The following BCAT1 variants were observed in gnomAD, a reference collection of about 807,000 sequenced individuals.
BCAT1 encodes the protein branched chain amino acid transaminase 1, also known as branched-chain-amino-acid aminotransferase, cytosolic.
Under a neutral mutation model 52.4 loss-of-function variants are expected in BCAT1, and 48 were observed. The ratio of observed to expected loss-of-function variants is 0.92; its 90% CI spans 0.73 to 1.16. The LOEUF (loss-of-function observed/expected upper bound fraction) is 1.16, where lower values mean the gene tolerates loss of function less well. Ranked by LOEUF, BCAT1 falls within the 50% of genes most tolerant of loss-of-function variation. The pLI, the probability that BCAT1 is intolerant of heterozygous loss-of-function variation, is 0.00. For synonymous variants in BCAT1, 167 were observed against 161.3 expected (o/e 1.04, Z -0.27); for missense variants, 451 against 457.1 (o/e 0.99, Z 0.12).
At position 24,811,012 on chromosome 12, in the gene BCAT1, C is replaced by T. The variant is rs983510988; in HGVS notation, c.*6996G>A. ...ATGGTGTTTATCAGTGATGTAGATC[C>T]ATTATGACAATGAATGGGAAGAGGT... On this transcript the variant is annotated 3_prime_UTR_variant, in exon 11 of 11. Coordinates refer to ENST00000261192, the MANE Select transcript of BCAT1 (RefSeq NM_005504.7). 5 of 151,998 alleles carry T rather than the reference C, an allele frequency of 3.3e-5. No individual in the cohort carries two copies. Among genetic ancestry groups the T allele is most frequent in the African/African-American group, 1.2e-4 (5 of 41,390 alleles). The allele number at this position is 151,998 out of a possible 1,614,324, so 9.4% of individuals were successfully genotyped here.
At chr12:24,821,564 C>T (rs1006603874) in intron 10 of BCAT1, among the ~76,000 whole-genome samples, 2 of 152,172 alleles carry the variant, frequency 1.3e-5, no homozygotes, top group Non-Finnish European at 2.9e-5. Flanking sequence ...CCTCCCATCT[C>T]TTCTCGGAAT....
intron 6 of BCAT1, among the ~76,000 whole-genome samples, chr12:24,845,145 C>A (rs1941305002): frequency 6.7e-6 from 1 of 149,880 alleles, no homozygotes; most frequent in African/African-American, 2.5e-5. Context: ...ACCAGGGAGG[C>A]GGAGGTTGCA....
intron 10 of BCAT1, among the ~76,000 whole-genome samples, chr12:24,829,526 T>C (rs1591780758): frequency 6.6e-6 from 1 of 152,208 alleles, no homozygotes; most frequent in African/African-American, 2.4e-5. Flanking sequence ...TCCTTCTTAA[T>C]GAGATTTTTA....
At position 24,933,844 on chromosome 12, in the gene BCAT1, G is replaced by C. The variant is rs1377524510; in HGVS notation, c.6+15083C>G. On this transcript the variant is annotated intron_variant, in intron 1 of 10. Coordinates refer to ENST00000261192, the MANE Select transcript of BCAT1 (RefSeq NM_005504.7). ...TGCACCAGATTTTATAGTCAGGCTT[G>C]AGGAGGTGGTGTCTGATTTACATAG... 2.6e-5 allele frequency among the ~76,000 whole-genome samples: 4 copies of C among 152,254 alleles called. No individual in the cohort carries two copies. In the East Asian group the frequency reaches 5.8e-4, roughly 22 times the overall value.
intron 1 of BCAT1, among the ~76,000 whole-genome samples, chr12:24,910,194 TG>T (rs1187907283): frequency 6.1e-4 from 92 of 151,982 alleles, no homozygotes; most frequent in African/African-American, 2.1e-3. Flanking sequence ...GCCAACATGG[TG>T]AAACCCCGTC....
intron 1 of BCAT1, among the ~76,000 whole-genome samples, chr12:24,919,162 TA>T (rs1463984040): frequency 6.6e-6 from 1 of 152,254 alleles, no homozygotes; most frequent in Non-Finnish European, 1.5e-5. Flanking sequence ...GATACCAGCA[TA>T]AAGTCAATTG....
chr12:24,855,243 C>T (rs892272600), intron 5 of BCAT1, among the ~76,000 whole-genome samples: 12 of 146,824 alleles, frequency 8.2e-5, no homozygotes, highest in Admixed American at 2.1e-4. Flanking sequence ...CCACAGATAA[C>T]GAGGGAACTG....
intron 1 of BCAT1, among the ~76,000 whole-genome samples, chr12:24,933,092 G>A (rs1342049500): frequency 7.4e-6 from 1 of 135,940 alleles, no homozygotes; most frequent in Non-Finnish European, 1.5e-5. Context: ...TTACAAGCAT[G>A]AGCCACCACG....
chr12:24,831,122 A>G (rs115769096), intron 9 of BCAT1, among the ~76,000 whole-genome samples: 1,555 of 152,226 alleles, frequency 0.01, 33 homozygotes, highest in African/African-American at 0.036. Context: ...CCTCCTCCTC[A>G]GCCTACTCAA....
chr12:24,867,480 C>T (rs1221590710), intron 5 of BCAT1, among the ~76,000 whole-genome samples: 2 of 151,862 alleles, frequency 1.3e-5, no homozygotes, highest in East Asian at 3.9e-4. Flanking sequence ...CTTCCAGTGG[C>T]TATGGGCATT....
intron 1 of BCAT1, 147 bp from the exon 2 acceptor site, chr12:24,902,032 C>G: frequency 6.4e-7 from 1 of 1,559,964 alleles, no homozygotes; most frequent in East Asian, 2.4e-5. Context: ...ACCAAGCACC[C>G]AGGCCCGAAC....
chr12:24,913,392 A>G (rs1213443436), intron 1 of BCAT1, among the ~76,000 whole-genome samples: 2 of 152,214 alleles, frequency 1.3e-5, no homozygotes, highest in Non-Finnish European at 2.9e-5. Flanking sequence ...ACAGATGGGA[A>G]GATTTGTTCA....
intron 7 of BCAT1, among the ~76,000 whole-genome samples, chr12:24,838,669 C>T (rs977149568): frequency 6.6e-6 from 1 of 152,120 alleles, no homozygotes; most frequent in African/African-American, 2.4e-5. Flanking sequence ...TAACCACTAG[C>T]CTGAGGTCAA....
chr12:24,888,871 C>A (rs1942759514), intron 3 of BCAT1, among the ~76,000 whole-genome samples: 1 of 152,174 alleles, frequency 6.6e-6, no homozygotes, highest in African/African-American at 2.4e-5. Flanking sequence ...TCCACAGCTG[C>A]GTCAATCATG....
intron 5 of BCAT1, among the ~76,000 whole-genome samples, chr12:24,866,491 G>A (rs894406788): frequency 6.6e-6 from 1 of 152,224 alleles, no homozygotes; most frequent in African/African-American, 2.4e-5. Flanking sequence ...GCGGGTGCAC[G>A]GCGCGGGACT....
chr12:24,862,391 C>T lies in BCAT1; in HGVS notation c.511-12442G>A, dbSNP rs143357627. 9.3e-3 allele frequency among the ~76,000 whole-genome samples: 1,412 copies of T among 152,346 alleles called. 10 individuals carry two copies. The highest frequency in any genetic ancestry group is 0.016 in the Non-Finnish European group (1,077 of 68,038). ...CAACCACCTGCCTGACACTGCCCCT[C>T]CCTTTTGCAGTTTCAACACAACAAC... On this transcript the variant is annotated intron_variant, in intron 5 of 10. Transcript: ENST00000261192.
At chr12:24,834,056 G>T in intron 8 of BCAT1, 1 of 716,478 alleles carries the variant, frequency 1.4e-6, no homozygotes, top group Non-Finnish European at 1.7e-6. Context: ...GGGCTCATGT[G>T]ATCCTCCCAC....
intron 5 of BCAT1, among the ~76,000 whole-genome samples, chr12:24,876,260 TA>T (rs71448093): frequency 0.01 from 1,144 of 109,840 alleles, 11 homozygotes; most frequent in African/African-American, 0.037. Context: ...GAGGGAGATG[TA>T]AAAAAAAAAA....
At chr12:24,858,531 T>C (rs1215721493) in intron 5 of BCAT1, among the ~76,000 whole-genome samples, 1 of 152,232 alleles carries the variant, frequency 6.6e-6, no homozygotes, top group African/African-American at 2.4e-5. Flanking sequence ...TTGGAGCCAT[T>C]AGATTCTAGG....
Sources: gnomAD v4.1 joint callset for allele counts (sites outside exome capture counted in the v4.1 genomes callset) on GRCh38, gnomAD v4.1.1 for gene constraint, MANE v1.5 for transcripts, NCBI Gene and HGNC (gene_info 2026-07-23, HGNC 2026-07-21) for gene names.